Variants in NCEH1 observed in about 807,000 individuals in gnomAD.
NCEH1 encodes the protein neutral cholesterol ester hydrolase 1.
NCEH1 carries 9 observed loss-of-function variants against 25.4 expected under a neutral mutation model. The ratio of observed to expected loss-of-function variants is 0.35; its 90% CI spans 0.21 to 0.62. The LOEUF is 0.62. Ranked by LOEUF, NCEH1 falls within the 20% of genes least tolerant of loss-of-function variation. The pLI, the probability that NCEH1 is intolerant of heterozygous loss-of-function variation, is 0.72. For synonymous variants in NCEH1, 200 were observed against 199.8 expected (o/e 1.00, Z -0.01); for missense variants, 412 against 501.1 (o/e 0.82, Z 1.70).
intron 1 of NCEH1, among the ~76,000 whole-genome samples, chr3:172,672,806 G>A (rs1426258008): frequency 5.9e-5 from 9 of 152,184 alleles, no homozygotes; most frequent in Admixed American, 5.9e-4. Context: ...TATCAGTGTG[G>A]CAGGCCAGGG....
intron 1 of NCEH1, among the ~76,000 whole-genome samples, chr3:172,670,298 C>T (rs1469659374): frequency 3.3e-5 from 5 of 152,152 alleles, no homozygotes; most frequent in Admixed American, 1.3e-4. Context: ...TTCTGAAAGC[C>T]TCCTAAACTT....
chr3:172,676,766 G>C (rs72497129), intron 1 of NCEH1, among the ~76,000 whole-genome samples: 1,934 of 152,196 alleles, frequency 0.013, 95 homozygotes, highest in Admixed American at 0.091. Flanking sequence ...TCAGTCATCG[G>C]AGCCATGTCA....
chr3:172,660,589 C>T (rs1308943252), intron 1 of NCEH1, among the ~76,000 whole-genome samples: 1 of 152,234 alleles, frequency 6.6e-6, no homozygotes, highest in African/African-American at 2.4e-5. Context: ...TACACTTCCA[C>T]CCACAGTGTA....
At chr3:172,682,136 C>A (rs1210907060) in intron 1 of NCEH1, among the ~76,000 whole-genome samples, 2 of 152,264 alleles carry the variant, frequency 1.3e-5, no homozygotes, top group East Asian at 3.9e-4. Context: ...GAGGCCATGG[C>A]ACTACTGTTA....
chr3:172,648,344 G>A (rs1717225175), intron 1 of NCEH1, among the ~76,000 whole-genome samples: 1 of 151,984 alleles, frequency 6.6e-6, no homozygotes, highest in African/African-American at 2.4e-5. Flanking sequence ...TTATTGAGAA[G>A]GCTTAAACAA....
At chr3:172,640,189 A>G (rs1278402292) in intron 3 of NCEH1, among the ~76,000 whole-genome samples, 1 of 152,212 alleles carries the variant, frequency 6.6e-6, no homozygotes, top group Non-Finnish European at 1.5e-5. Context: ...TTATACTCCT[A>G]TCAGATTCAG....
chr3:172,706,935 T>G (rs1714039451), intron 1 of NCEH1, among the ~76,000 whole-genome samples: 1 of 152,216 alleles, frequency 6.6e-6, no homozygotes, highest in Non-Finnish European at 1.5e-5. Flanking sequence ...ACGGTGCTGA[T>G]GAACAAGTTT....
chr3:172,699,232 C>T (rs1437696042), intron 1 of NCEH1, among the ~76,000 whole-genome samples: 1 of 151,942 alleles, frequency 6.6e-6, no homozygotes, highest in Non-Finnish European at 1.5e-5. Flanking sequence ...GGTGGGAGGG[C>T]ATCTGGGACA....
Position 172,638,275 on chromosome 3 carries a change from C to CAAAAA in NCEH1, c.438-2189_438-2188insTTTTT, listed in dbSNP as rs1560178436. Among the ~76,000 whole-genome samples, 145 of 81,930 alleles carry CAAAAA rather than the reference C, an allele frequency of 1.8e-3. 21 individuals are homozygous for CAAAAA. The highest frequency in any genetic ancestry group is 5.7e-3 in the African/African-American group (139 of 24,414). 53.7% of individuals were successfully genotyped at this position (81,930 alleles called of 152,430 possible). A position where few individuals can be genotyped will look rare whatever the true frequency, so the allele number is the denominator to read the frequency against. On this transcript the variant is annotated intron_variant, in intron 3 of 4. Transcript: ENST00000475381. Reference sequence around the variant, plus strand: ...CCTGGGCGACAGAACGAGACTCTGTCCAAAAAAAAAAAAAAAAAAAAAAAA... The same window carrying CAAAAA: ...CCTGGGCGACAGAACGAGACTCTGTCAAAAACAAAAAAAAAAAAAAAAAAAAAAAA...
In NCEH1 at chr3:172,633,691, G is replaced by A. The variant is rs138427094; in HGVS notation, c.1011C>T (p.Leu337=). The A allele has an allele frequency of 3.6e-4, 579 of 1,614,218 alleles. 4 individuals carry two copies. In the African/African-American group the frequency reaches 7.0e-3, roughly 20 times the overall value. ...LIADQAVLQL[L]PKTYILTCEH... ...CACACGTCAGAATGTAGGTCTTTGG[G>A]AGGAGCTGCAGCACTGCCTGGTCTG... The change falls in exon 5 of 5, where the codon CTC becomes CTT. Residue 337 remains leucine, a synonymous_variant. Transcript: ENST00000475381.
intron 1 of NCEH1, among the ~76,000 whole-genome samples, chr3:172,673,217 T>C (rs907363635): frequency 6.6e-6 from 1 of 152,198 alleles, no homozygotes; most frequent in Non-Finnish European, 1.5e-5. Context: ...TATTTACAAA[T>C]GCTTCCAAGC....
chr3:172,663,789 C>T (rs1203208073), intron 1 of NCEH1, among the ~76,000 whole-genome samples: 2 of 152,010 alleles, frequency 1.3e-5, no homozygotes, highest in East Asian at 3.9e-4. Context: ...GCAACCCCTG[C>T]TTTTTTTTGT....
At chr3:172,677,922 C>T (rs192667929) in intron 1 of NCEH1, among the ~76,000 whole-genome samples, 5 of 152,122 alleles carry the variant, frequency 3.3e-5, no homozygotes, top group Non-Finnish European at 7.4e-5. Context: ...AGCGAGACTC[C>T]ATCTCAAAAA....
At chr3:172,687,640 T>C (rs1317215493) in intron 1 of NCEH1, among the ~76,000 whole-genome samples, 1 of 152,154 alleles carries the variant, frequency 6.6e-6, no homozygotes, top group East Asian at 1.9e-4. Context: ...AGAGAAACAA[T>C]GCCCTCAGAA....
intron 3 of NCEH1, among the ~76,000 whole-genome samples, chr3:172,642,385 A>G (rs1025534992): frequency 5.9e-5 from 9 of 151,958 alleles, no homozygotes; most frequent in Admixed American, 5.2e-4. Flanking sequence ...CATATTGTCC[A>G]GGCTGGTTTT....
chr3:172,676,503 C>T (rs1233663690), intron 1 of NCEH1, among the ~76,000 whole-genome samples: 1 of 152,084 alleles, frequency 6.6e-6, no homozygotes, highest in Non-Finnish European at 1.5e-5. Context: ...CATACCTGGT[C>T]AAACCAATCC....
rs78229953 is a variant in NCEH1, at chr3:172,633,541, G to A, written c.1161C>T (p.Pro387=). 7,833 of 1,613,970 alleles carry A rather than the reference G, an allele frequency of 4.9e-3. 20 individuals are homozygous for A. The highest frequency in any genetic ancestry group is 6.2e-3 in the Non-Finnish European group (7,359 of 1,179,904). The change falls in exon 5 of 5, where the codon CCC becomes CCT. Residue 387 remains proline, a synonymous_variant. Coordinates refer to ENST00000475381, the MANE Select transcript of NCEH1 (RefSeq NM_020792.6). Reference sequence around the variant, plus strand: ...TCCGGATTCCCACTGAGAAGTTGGTGGGCCAGCTAGTGAAAATCATACATC... The same window carrying A: ...TCCGGATTCCCACTGAGAAGTTGGTAGGCCAGCTAGTGAAAATCATACATC... ...FHGCMIFTSW[P]TNFSVGIRTR... is the part of the protein sequence containing the mutation.
intron 1 of NCEH1, among the ~76,000 whole-genome samples, chr3:172,686,293 G>A (rs1449880322): frequency 6.6e-6 from 1 of 152,168 alleles, no homozygotes; most frequent in Non-Finnish European, 1.5e-5. Context: ...CCAGCCCAGA[G>A]CATCCTCTTG....
intron 3 of NCEH1, among the ~76,000 whole-genome samples, chr3:172,638,044 A>G (rs1253443674): frequency 6.6e-6 from 1 of 152,182 alleles, no homozygotes; most frequent in African/African-American, 2.4e-5. Flanking sequence ...CCTGTCTCAA[A>G]ATAAAATCCT....
Sources: allele counts gnomAD v4.1 joint callset (sites outside exome capture counted in the v4.1 genomes callset), GRCh38; gene constraint gnomAD v4.1.1; transcripts MANE v1.5; gene names NCBI Gene and HGNC (gene_info 2026-07-23, HGNC 2026-07-21).